The following KCNQ5 variants were observed in gnomAD, a reference collection of about 807,000 sequenced individuals.
The protein encoded by KCNQ5 is potassium voltage-gated channel subfamily Q member 5, also known as potassium voltage-gated channel subfamily KQT member 5.
Under a neutral mutation model 98.2 loss-of-function variants are expected in KCNQ5, and 30 were observed. The observed-to-expected ratio is 0.31, with a 90% CI of 0.23 to 0.41. KCNQ5 has a LOEUF of 0.41. KCNQ5 is among the 10% of genes least tolerant of loss of function. The probability of loss-of-function intolerance (pLI) is 1.00; values close to 1 mark genes in which losing one functional copy is unlikely to be tolerated. For synonymous variants in KCNQ5, 458 were observed against 449.4 expected (o/e 1.02, Z -0.24); for missense variants, 835 against 1,182.5 (o/e 0.71, Z 4.31).
chr6:73,080,834 T>A (rs143953133), intron 5 of KCNQ5, among the ~76,000 whole-genome samples: 66 of 152,314 alleles, frequency 4.3e-4, no homozygotes, highest in Middle Eastern at 3.4e-3. Context: ...TTTTCAATAC[T>A]AACTCTGGAA....
intron 11 of KCNQ5, among the ~76,000 whole-genome samples, chr6:73,187,089 T>G (rs1765395623): frequency 6.6e-6 from 1 of 151,302 alleles, no homozygotes; most frequent in Admixed American, 6.6e-5. Context: ...AGACGGAGTC[T>G]TGCTCTGTCG....
At chr6:72,757,385 T>C (rs1022757241) in intron 1 of KCNQ5, among the ~76,000 whole-genome samples, 3 of 152,182 alleles carry the variant, frequency 2.0e-5, no homozygotes, top group Non-Finnish European at 4.4e-5. Flanking sequence ...ATGATGGGGT[T>C]ATGTCCAGAT....
At chr6:73,148,004 TAAAG>T (rs958386144) in intron 10 of KCNQ5, among the ~76,000 whole-genome samples, 5 of 152,176 alleles carry the variant, frequency 3.3e-5, no homozygotes, top group Non-Finnish European at 7.4e-5. Context: ...TCCATTTGAA[TAAAG>T]ATAGTATATA....
chr6:73,188,982 C>CAA (rs67431655), intron 11 of KCNQ5, among the ~76,000 whole-genome samples: 1,699 of 81,628 alleles, frequency 0.021, 24 homozygotes, highest in Non-Finnish European at 0.029. Context: ...GACTCTGTCT[C>CAA]AAAAAAAAAA....
At chr6:72,974,385 C>CAAAAAAAAA (rs201503571) in intron 1 of KCNQ5, among the ~76,000 whole-genome samples, 3 of 120,476 alleles carry the variant, frequency 2.5e-5, no homozygotes, top group African/African-American at 8.8e-5. Context: ...TAACTAGTGG[C>CAAAAAAAAA]AAAAAAAAAA....
At chr6:72,918,544 GA>G (rs1460552721) in intron 1 of KCNQ5, among the ~76,000 whole-genome samples, 1 of 151,896 alleles carries the variant, frequency 6.6e-6, no homozygotes, top group Non-Finnish European at 1.5e-5. Context: ...AAAATTTGGG[GA>G]AAAGTCAGAG....
chr6:72,730,789 G>C (rs1770516330), intron 1 of KCNQ5, among the ~76,000 whole-genome samples: 1 of 151,018 alleles, frequency 6.6e-6, no homozygotes, highest in Non-Finnish European at 1.5e-5. Flanking sequence ...GGCTGCTCTT[G>C]TTTGTTTCTT....
intron 1 of KCNQ5, among the ~76,000 whole-genome samples, chr6:72,799,785 T>C (rs114776698): frequency 0.011 from 1,606 of 152,292 alleles, 23 homozygotes; most frequent in African/African-American, 0.036. Flanking sequence ...GAGCACATTC[T>C]GCATGCCATA....
chr6:72,799,283 T>C (rs1054960148), intron 1 of KCNQ5, among the ~76,000 whole-genome samples: 2 of 152,150 alleles, frequency 1.3e-5, no homozygotes, highest in African/African-American at 4.8e-5. Flanking sequence ...TTTTGGCCAA[T>C]TGAATGAGGC....
chr6:72,625,180 A>C (rs1406734881), intron 1 of KCNQ5, among the ~76,000 whole-genome samples: 5 of 152,196 alleles, frequency 3.3e-5, no homozygotes, highest in South Asian at 4.1e-4. Flanking sequence ...GCTTGAGGTA[A>C]ATATAAATTT....
intron 6 of KCNQ5, among the ~76,000 whole-genome samples, chr6:73,107,760 C>T (rs1775063757): frequency 6.6e-6 from 1 of 152,058 alleles, no homozygotes; most frequent in Non-Finnish European, 1.5e-5. Context: ...ATTAAATTAA[C>T]CTATGTTGGA....
At chr6:72,852,367 A>G (rs1334021766) in intron 1 of KCNQ5, among the ~76,000 whole-genome samples, 1 of 151,918 alleles carries the variant, frequency 6.6e-6, no homozygotes, top group Non-Finnish European at 1.5e-5. Context: ...CTATGTGCCC[A>G]TCAATGGATG....
intron 11 of KCNQ5, among the ~76,000 whole-genome samples, chr6:73,176,469 T>C (rs1465095083): frequency 6.6e-6 from 1 of 152,236 alleles, no homozygotes; most frequent in Non-Finnish European, 1.5e-5. Context: ...CTTTTATTTA[T>C]AAATTTTTCA....
At chr6:72,838,920 A>G (rs1262537221) in intron 1 of KCNQ5, among the ~76,000 whole-genome samples, 2 of 128,728 alleles carry the variant, frequency 1.6e-5, no homozygotes, top group African/African-American at 3.0e-5. Context: ...ACTGCACTCC[A>G]GCCTGGGCGA....
intron 8 of KCNQ5, among the ~76,000 whole-genome samples, chr6:73,123,767 T>A (rs1446184498): frequency 6.6e-6 from 1 of 152,150 alleles, no homozygotes; most frequent in Non-Finnish European, 1.5e-5. Context: ...CAAAAACACC[T>A]TGTGGTACCT....
intron 2 of KCNQ5, among the ~76,000 whole-genome samples, chr6:73,030,564 G>C (rs974156671): frequency 6.6e-6 from 1 of 152,146 alleles, no homozygotes; most frequent in African/African-American, 2.4e-5. Context: ...AATGCACTTT[G>C]GTGCTTATAA....
At chr6:73,135,640 C>G (rs1776439468) in intron 10 of KCNQ5, 1 of 152,172 alleles carries the variant, frequency 6.6e-6, no homozygotes, top group Admixed American at 6.5e-5. Flanking sequence ...GGGAACCAGT[C>G]TTTGTTGAGT....
intron 8 of KCNQ5, among the ~76,000 whole-genome samples, chr6:73,121,367 T>C (rs1378099942): frequency 6.8e-6 from 1 of 146,078 alleles, no homozygotes; most frequent in Non-Finnish European, 1.5e-5. Flanking sequence ...AGTCTTGGAG[T>C]CTTGGAAACC....
At chr6:72,836,844 A>G (rs1334126140) in intron 1 of KCNQ5, among the ~76,000 whole-genome samples, 1 of 152,142 alleles carries the variant, frequency 6.6e-6, no homozygotes, top group Non-Finnish European at 1.5e-5. Context: ...GGCCTGTTTT[A>G]TCCTTTTATT....
Sources: gnomAD v4.1 joint callset for allele counts (sites outside exome capture counted in the v4.1 genomes callset) on GRCh38, gnomAD v4.1.1 for gene constraint, MANE v1.5 for transcripts, NCBI Gene and HGNC (gene_info 2026-07-23, HGNC 2026-07-21) for gene names.